The following CACNA2D3 variants were observed in gnomAD, a reference collection of about 807,000 sequenced individuals.
CACNA2D3 encodes the protein voltage-dependent calcium channel subunit alpha-2/delta-3.
CACNA2D3 carries 60 observed loss-of-function variants against 160.6 expected under a neutral mutation model. The ratio of observed to expected loss-of-function variants is 0.37; its 90% CI spans 0.30 to 0.46. The LOEUF (loss-of-function observed/expected upper bound fraction) is 0.46. CACNA2D3 is among the 20% of genes least tolerant of loss of function. The probability of loss-of-function intolerance (pLI) is 1.00; values close to 1 mark genes in which losing one functional copy is unlikely to be tolerated. For missense variants in CACNA2D3, 1,205 were observed against 1,365.0 expected, an observed-to-expected ratio of 0.88 and a Z score of 1.85; for synonymous variants, 558 against 492.9, an observed-to-expected ratio of 1.13 and a Z score of -1.75.
At chr3:54,618,374 T>TATACAC in intron 9 of CACNA2D3, among the ~76,000 whole-genome samples, 2 of 54,582 alleles carry the variant, frequency 3.7e-5, no homozygotes, top group Admixed American at 2.2e-4. Flanking sequence ...TATATATATA[T>TATACAC]GCACACACAC....
intron 5 of CACNA2D3, among the ~76,000 whole-genome samples, chr3:54,545,457 A>T (rs1294644275): frequency 1.3e-5 from 2 of 152,018 alleles, no homozygotes; most frequent in Non-Finnish European, 2.9e-5. Context: ...TAGCAGTAAC[A>T]TTTTCCCCTT....
At chr3:54,993,540 C>A (rs1400762343) in intron 31 of CACNA2D3, among the ~76,000 whole-genome samples, 2 of 152,120 alleles carry the variant, frequency 1.3e-5, no homozygotes, top group Non-Finnish European at 2.9e-5. Flanking sequence ...CAATATGGAG[C>A]CCAAGGAAAG....
intron 17 of CACNA2D3, among the ~76,000 whole-genome samples, chr3:54,858,591 G>C (rs1699219360): frequency 6.6e-6 from 1 of 152,192 alleles, no homozygotes; most frequent in Non-Finnish European, 1.5e-5. Flanking sequence ...AGGAAAGTTT[G>C]TTCCTCCTTA....
intron 11 of CACNA2D3, among the ~76,000 whole-genome samples, chr3:54,673,449 C>T (rs563309404): frequency 5.9e-5 from 9 of 152,244 alleles, no homozygotes; most frequent in Admixed American, 2.6e-4. Flanking sequence ...TTTTGCAAAA[C>T]GCAACTCATG....
At chr3:54,826,133 T>C (rs1163244322) in intron 14 of CACNA2D3, among the ~76,000 whole-genome samples, 1 of 152,236 alleles carries the variant, frequency 6.6e-6, no homozygotes, top group Non-Finnish European at 1.5e-5. Flanking sequence ...TTGAGCCACA[T>C]ATTTAATGGT....
chr3:54,630,346 C>T (rs1699208860), intron 10 of CACNA2D3, among the ~76,000 whole-genome samples: 2 of 152,082 alleles, frequency 1.3e-5, no homozygotes, highest in Non-Finnish European at 2.9e-5. Flanking sequence ...TCCCTGGTAC[C>T]CTTTCTCTGT....
intron 11 of CACNA2D3, among the ~76,000 whole-genome samples, chr3:54,732,805 A>C (rs1195332751): frequency 2.6e-5 from 4 of 152,236 alleles, no homozygotes; most frequent in African/African-American, 9.6e-5. Context: ...CGTTGTGGTC[A>C]TCAGAGTTTT....
At chr3:54,290,110 A>T (rs1283968379) in intron 2 of CACNA2D3, among the ~76,000 whole-genome samples, 5 of 152,024 alleles carry the variant, frequency 3.3e-5, no homozygotes, top group African/African-American at 1.2e-4. Context: ...CTACCATCAG[A>T]GTGAACAGGC....
intron 17 of CACNA2D3, among the ~76,000 whole-genome samples, chr3:54,859,077 C>T (rs1699229542): frequency 6.6e-6 from 1 of 152,184 alleles, no homozygotes; most frequent in African/African-American, 2.4e-5. Context: ...TCTTGCTCCC[C>T]TCTTTGAAGT....
chr3:54,425,980 T>C (rs1699906869), intron 4 of CACNA2D3, among the ~76,000 whole-genome samples: 2 of 152,212 alleles, frequency 1.3e-5, no homozygotes, highest in Non-Finnish European at 2.9e-5. Flanking sequence ...TCAGAGACAG[T>C]AGCCACCTGC....
intron 13 of CACNA2D3, among the ~76,000 whole-genome samples, chr3:54,771,672 C>G (rs1044404830): frequency 2.6e-5 from 4 of 152,198 alleles, no homozygotes; most frequent in South Asian, 2.1e-4. Flanking sequence ...GCTTCACTTT[C>G]CCTTAAAAGC....
chr3:54,809,602 G>A (rs1184290982), intron 13 of CACNA2D3, among the ~76,000 whole-genome samples: 2 of 140,578 alleles, frequency 1.4e-5, no homozygotes, highest in Non-Finnish European at 2.9e-5. Context: ...ACAGGCGTGA[G>A]CCACCGCGCC....
chr3:54,406,683 A>T (rs1280252410), intron 4 of CACNA2D3, among the ~76,000 whole-genome samples: 3 of 152,104 alleles, frequency 2.0e-5, no homozygotes, highest in African/African-American at 7.2e-5. Context: ...AGGAAATGGG[A>T]GTTGTAGGTC....
chr3:54,553,089 A>G (rs865843271), intron 5 of CACNA2D3, among the ~76,000 whole-genome samples: 3 of 152,296 alleles, frequency 2.0e-5, no homozygotes, highest in Middle Eastern at 3.4e-3. Context: ...CTCTGGTCCC[A>G]GGGCTGCCAG....
intron 27 of CACNA2D3, chr3:54,927,936 G>C (rs147452835): frequency 1.2e-6 from 2 of 1,613,140 alleles, no homozygotes; most frequent in African/African-American, 1.3e-5. Context: ...GGGCGTCCTT[G>C]CTGACCTCGT....
intron 3 of CACNA2D3, among the ~76,000 whole-genome samples, chr3:54,367,053 A>G (rs1050027262): frequency 2.0e-5 from 3 of 152,202 alleles, no homozygotes; most frequent in South Asian, 2.1e-4. Flanking sequence ...TAGGAGTGAT[A>G]AAGTGATTAT....
At chr3:54,801,662 CCTAT>C (rs1334436105) in intron 13 of CACNA2D3, among the ~76,000 whole-genome samples, 1 of 151,958 alleles carries the variant, frequency 6.6e-6, no homozygotes, top group Non-Finnish European at 1.5e-5. Flanking sequence ...CTTTTTTTGG[CCTAT>C]CTTTTATATC....
At chr3:54,330,210 ATGTGTGTGTGTGTG>A (rs10591706) in intron 3 of CACNA2D3, among the ~76,000 whole-genome samples, 123 of 146,706 alleles carry the variant, frequency 8.4e-4, no homozygotes, top group African/African-American at 2.6e-3. Context: ...TTTAATTGAT[ATGTGTGTGTGTGTG>A]TGTGTGTGTG....
intron 2 of CACNA2D3, among the ~76,000 whole-genome samples, chr3:54,132,492 A>G (rs1346454727): frequency 6.6e-6 from 1 of 152,194 alleles, no homozygotes; most frequent in African/African-American, 2.4e-5. Context: ...CTGAAGTAAG[A>G]TGTAATCCTC....
Sources: allele counts gnomAD v4.1 joint callset (sites outside exome capture counted in the v4.1 genomes callset), GRCh38; gene constraint gnomAD v4.1.1; transcripts MANE v1.5; gene names NCBI Gene and HGNC (gene_info 2026-07-23, HGNC 2026-07-21).